SNTG1: variants seen among roughly 807,000 people sequenced by gnomAD.
The protein encoded by SNTG1 is syntrophin gamma 1.
Under a neutral mutation model 74.7 loss-of-function variants are expected in SNTG1, and 39 were observed. The observed-to-expected ratio is 0.52, with a 90% CI of 0.40 to 0.68. The LOEUF (loss-of-function observed/expected upper bound fraction) is 0.68, where lower values mean the gene tolerates loss of function less well. Ranked by LOEUF, SNTG1 falls within the 30% of genes least tolerant of loss-of-function variation. SNTG1 has a pLI of 0.00. For missense variants in SNTG1, 685 were observed against 609.5 expected (o/e 1.12, Z -1.30); for synonymous variants, 254 against 217.1 (o/e 1.17, Z -1.49).
chr8:50,415,478 T>C (rs1320144548), intron 4 of SNTG1, among the ~76,000 whole-genome samples: 1 of 152,124 alleles, frequency 6.6e-6, no homozygotes, highest in African/African-American at 2.4e-5. Flanking sequence ...TAACATAATA[T>C]ATCAAGGAGT....
intron 1 of SNTG1, among the ~76,000 whole-genome samples, chr8:49,928,531 A>G (rs1375480991): frequency 6.6e-6 from 1 of 151,978 alleles, no homozygotes; most frequent in Non-Finnish European, 1.5e-5. Context: ...GCGACCGGCC[A>G]GAGATTCTTA....
intron 17 of SNTG1, among the ~76,000 whole-genome samples, chr8:50,731,037 A>G (rs2095511679): frequency 1.3e-5 from 2 of 152,180 alleles, no homozygotes. Flanking sequence ...ATAAATTAAG[A>G]ATCTTGCCCA....
At chr8:50,423,956 G>A (rs2093129365) in intron 4 of SNTG1, among the ~76,000 whole-genome samples, 1 of 152,160 alleles carries the variant, frequency 6.6e-6, no homozygotes, top group Non-Finnish European at 1.5e-5. Context: ...TTCTTCTAAA[G>A]TCTTGGATAT....
chr8:50,346,435 T>G (rs2091479883), intron 2 of SNTG1, among the ~76,000 whole-genome samples: 1 of 152,216 alleles, frequency 6.6e-6, no homozygotes, highest in Non-Finnish European at 1.5e-5. Flanking sequence ...TTCCTCTGTC[T>G]TGCTTTCTCT....
chr8:50,062,309 A>C (rs1391088270), intron 1 of SNTG1, among the ~76,000 whole-genome samples: 3 of 152,090 alleles, frequency 2.0e-5, no homozygotes, highest in Admixed American at 1.3e-4. Flanking sequence ...GGCCTCCCAA[A>C]GTGCTGGGAT....
chr8:50,196,684 T>C (rs1372782255), intron 2 of SNTG1, among the ~76,000 whole-genome samples: 1 of 151,062 alleles, frequency 6.6e-6, no homozygotes, highest in Non-Finnish European at 1.5e-5. Flanking sequence ...AGGCTGGGAG[T>C]GGTGGCTCAT....
At chr8:50,334,841 C>A (rs2091088793) in intron 2 of SNTG1, among the ~76,000 whole-genome samples, 2 of 152,252 alleles carry the variant, frequency 1.3e-5, no homozygotes, top group Middle Eastern at 3.4e-3. Flanking sequence ...GTTTTTCTAA[C>A]CTCTAAATCT....
At chr8:50,708,076 C>T in intron 16 of SNTG1, 1 of 234,672 alleles carries the variant, frequency 4.3e-6, no homozygotes, top group Non-Finnish European at 8.1e-6. Context: ...TGGCGGGCGA[C>T]TGTAATGCCA....
In SNTG1 at chr8:50,654,842, C is replaced by T. The variant is rs7005236; in HGVS notation, c.850-2067C>T. Among the ~76,000 whole-genome samples the T allele has an allele frequency of 3.0e-3, 464 of 152,216 alleles. 3 individuals are homozygous for T. Among genetic ancestry groups the T allele is most frequent in the African/African-American group, 0.011 (447 of 41,548 alleles). On this transcript the variant is annotated intron_variant, in intron 13 of 18. Coordinates refer to ENST00000642720, the MANE Select transcript of SNTG1 (RefSeq NM_018967.5). ...CCTGGCAAGGGCTTGATGACTTCTG[C>T]CTTAACTTTGTAATTAGGATGCAGA...
chr8:50,656,852 T>C, intron 13 of SNTG1, 57 bp from the exon 14 acceptor site: 1 of 1,085,172 alleles, frequency 9.2e-7, no homozygotes, highest in Non-Finnish European at 1.4e-6. Context: ...TATTTTTAGA[T>C]ATAAGATATC....
At chr8:49,991,684 C>T (rs755490010) in intron 1 of SNTG1, among the ~76,000 whole-genome samples, 10 of 152,104 alleles carry the variant, frequency 6.6e-5, no homozygotes, top group Non-Finnish European at 1.3e-4. Flanking sequence ...AAACATTACG[C>T]TATTGAAATA....
chr8:50,469,619 T>C (rs1034738209), intron 8 of SNTG1, among the ~76,000 whole-genome samples: 3 of 152,162 alleles, frequency 2.0e-5, no homozygotes, highest in African/African-American at 7.2e-5. Flanking sequence ...CCTTGTCTTC[T>C]TTTCCTGCAT....
At chr8:50,634,258 T>C (rs114705259) in intron 13 of SNTG1, among the ~76,000 whole-genome samples, 7,156 of 152,300 alleles carry the variant, frequency 0.047, 550 homozygotes, top group African/African-American at 0.16. Context: ...GTCTGCCACT[T>C]GGAAAGCTAC....
chr8:50,259,059 G>T (rs909768536), intron 2 of SNTG1, among the ~76,000 whole-genome samples: 4 of 152,004 alleles, frequency 2.6e-5, no homozygotes, highest in Non-Finnish European at 5.9e-5. Flanking sequence ...GATACAAAGG[G>T]ATCACCATAG....
intron 1 of SNTG1, among the ~76,000 whole-genome samples, chr8:50,100,825 G>A (rs2080094734): frequency 6.6e-6 from 1 of 151,974 alleles, no homozygotes; most frequent in Non-Finnish European, 1.5e-5. Flanking sequence ...GTGCAGGTTT[G>A]TTTTATAGGT....
chr8:50,099,894 A>G (rs958965949), intron 1 of SNTG1, among the ~76,000 whole-genome samples: 1 of 152,020 alleles, frequency 6.6e-6, no homozygotes, highest in Admixed American at 6.6e-5. Flanking sequence ...TCCTTGTTGG[A>G]TGAAAGATTT....
chr8:50,115,463 G>A (rs1378227809), intron 1 of SNTG1, among the ~76,000 whole-genome samples: 1 of 151,494 alleles, frequency 6.6e-6, no homozygotes, highest in African/African-American at 2.4e-5. Context: ...CTACTGGGGT[G>A]GCTAGGTGGG....
intron 1 of SNTG1, among the ~76,000 whole-genome samples, chr8:50,096,515 C>G (rs560887078): frequency 3.3e-5 from 5 of 152,228 alleles, no homozygotes; most frequent in Admixed American, 2.0e-4. Context: ...GTTCACAATA[C>G]AATTATTGTA....
At chr8:50,381,656 A>C (rs1376185785) in intron 2 of SNTG1, among the ~76,000 whole-genome samples, 1 of 55,104 alleles carries the variant, frequency 1.8e-5, no homozygotes, top group Non-Finnish European at 4.1e-5. Flanking sequence ...ATATATATAT[A>C]TATCCTATTA....
Sources: allele counts gnomAD v4.1 joint callset (sites outside exome capture counted in the v4.1 genomes callset), GRCh38; gene constraint gnomAD v4.1.1; transcripts MANE v1.5; gene names NCBI Gene and HGNC (gene_info 2026-07-23, HGNC 2026-07-21).